UBR2: variants seen among roughly 807,000 people sequenced by gnomAD.
UBR2 encodes the protein E3 ubiquitin-protein ligase UBR2.
In UBR2, 92 loss-of-function variants were observed where a neutral mutation model predicts 247.9. The observed-to-expected ratio is 0.37, with a 90% CI of 0.31 to 0.44. The LOEUF is 0.44. Among genes scored for constraint, UBR2 ranks in the 20% least tolerant of loss-of-function variants. UBR2 has a pLI of 1.00. For missense variants in UBR2, 1,613 were observed against 2,112.6 expected (o/e 0.76, Z 4.64); for synonymous variants, 672 against 693.5 (o/e 0.97, Z 0.49).
At position 42,659,299 on chromosome 6, in the gene UBR2, G is replaced by T. The variant is rs1466089819; in HGVS notation, c.3243-357G>T. 2.6e-5 allele frequency among the ~76,000 whole-genome samples: 4 copies of T among 151,750 alleles called. No homozygotes were observed. The highest frequency in any genetic ancestry group is 2.6e-4 in the Admixed American group (4 of 15,224). ...TCACAAGGTGAGGAGTTCGAGACCA[G>T]CCTGACCAACATGGTGAAACCCCAT... is the stretch of plus-strand genomic sequence containing the variant. On this transcript the variant is annotated intron_variant, in intron 29 of 46. Transcript: ENST00000372901. This position sits in a 1 kb window ranked among gnomAD's most constrained non-coding sequence, Gnocchi z 4.3.
chr6:42,669,369 A>G (rs571997960), intron 34 of UBR2, among the ~76,000 whole-genome samples: 64 of 152,116 alleles, frequency 4.2e-4, no homozygotes, highest in Non-Finnish European at 8.1e-4. Flanking sequence ...CTGAACATTC[A>G]TGTCCTTCAT....
In UBR2 at chr6:42,678,555, C is replaced by T; in HGVS notation, c.4495C>T (p.Pro1499Ser). Residue 1499 changes from proline to serine, a missense_variant, in exon 41 of 47, where the codon CCA becomes TCA. Pro to Ser is a moderately conservative substitution (Grantham distance 74, BLOSUM62 -1). This residue lies in a region of UBR2 where 1,524 missense variants were observed against 1,967.3 expected (regional missense o/e 0.77). Coordinates refer to ENST00000372901, the MANE Select transcript of UBR2 (RefSeq NM_001363705.2). ...QYTGSALKEI[P>S]SGWHLWRSVR... The stretch of plus-strand genomic sequence containing the variant: ...CTTTTTTAGTGCCTTGAAAGAAATA[C>T]CATCCGGCTGGCATCTGTGGAGGAG... The T allele has an allele frequency of 6.2e-7, 1 of 1,609,596 alleles. No individual in the cohort carries two copies. The highest frequency in any genetic ancestry group is 8.5e-7 in the Non-Finnish European group (1 of 1,178,762).
At chr6:42,645,006 T>C (rs928413528) in intron 20 of UBR2, among the ~76,000 whole-genome samples, 3 of 152,104 alleles carry the variant, frequency 2.0e-5, no homozygotes, top group African/African-American at 7.2e-5. Context: ...TTTCAGTCCT[T>C]TACTACTGTT....
At position 42,643,086 on chromosome 6, in the gene UBR2, G is replaced by A. The variant is rs758802332; in HGVS notation, c.2097+605G>A. 8.6e-5 allele frequency among the ~76,000 whole-genome samples: 13 copies of A among 151,948 alleles called. No individual in the cohort carries two copies. In the South Asian group the frequency reaches 1.7e-3, roughly 19 times the overall value. On this transcript the variant is annotated intron_variant, in intron 18 of 46. Transcript: ENST00000372901. ...CCCTGACACACTAAAACTTGGCTAC[G>A]TGTCCCTTTTGTGAGGACCCTAGCA...
Position 42,692,414 on chromosome 6 carries a change from T to C in UBR2, c.*1241T>C, listed in dbSNP as rs1431501262. ...CATTGTTCTTACTGAGGTGCCTTCC[T>C]AGAACAAGAGCCACTTACAAAATAG... On this transcript the variant is annotated 3_prime_UTR_variant, in exon 47 of 47. Coordinates refer to ENST00000372901, the MANE Select transcript of UBR2 (RefSeq NM_001363705.2). 6.6e-6 allele frequency: 1 copy of C among 152,210 alleles called. No individual in the cohort carries two copies. The highest frequency in any genetic ancestry group is 1.5e-5 in the Non-Finnish European group (1 of 68,038). The allele number at this position is 152,210 out of a possible 1,614,324, so 9.4% of individuals were successfully genotyped here. A position where few individuals can be genotyped will look rare whatever the true frequency, so the allele number is the denominator to read the frequency against.
intron 14 of UBR2, 147 bp downstream of exon 14, chr6:42,635,693 C>A: frequency 1.0e-6 from 1 of 976,536 alleles, no homozygotes; most frequent in Non-Finnish European, 1.4e-6. Context: ...CACCTATAAA[C>A]TCAGTAAAAT....
chr6:42,644,877 T>C (rs1007963152), intron 20 of UBR2, among the ~76,000 whole-genome samples: 3 of 152,186 alleles, frequency 2.0e-5, no homozygotes, highest in Non-Finnish European at 4.4e-5. Flanking sequence ...ATATCTTAAC[T>C]ATGTTTCTCT....
intron 23 of UBR2, among the ~76,000 whole-genome samples, chr6:42,651,105 C>T (rs1797084323): frequency 6.6e-6 from 1 of 151,842 alleles, no homozygotes. Flanking sequence ...ACTTCTCGTC[C>T]CAGCTACTCA....
At chr6:42,658,449 A>G in intron 28 of UBR2, 129 bp downstream of exon 28, 1 of 1,116,188 alleles carries the variant, frequency 9.0e-7, no homozygotes, top group Non-Finnish European at 1.3e-6. Context: ...GCCACTATTT[A>G]TCTCTATTTG....
At chr6:42,633,712 G>GTTT (rs1795905687) in intron 13 of UBR2, among the ~76,000 whole-genome samples, 1 of 140,864 alleles carries the variant, frequency 7.1e-6, no homozygotes, top group East Asian at 2.4e-4. Context: ...TTGTTTTTTT[G>GTTT]TTTGTTTTTT....
At chr6:42,602,736 ATG>A (rs1326015164) in intron 4 of UBR2, among the ~76,000 whole-genome samples, 2 of 144,816 alleles carry the variant, frequency 1.4e-5, no homozygotes, top group Admixed American at 1.4e-4. Context: ...ATTTTGCACT[ATG>A]TTTTATTTTT....
intron 6 of UBR2, among the ~76,000 whole-genome samples, chr6:42,606,235 T>TC (rs1254525462): frequency 6.7e-6 from 1 of 149,630 alleles, no homozygotes; most frequent in Non-Finnish European, 1.5e-5. Context: ...AAAGCGAGAC[T>TC]CCATCTCAAA....
intron 11 of UBR2, among the ~76,000 whole-genome samples, chr6:42,628,866 T>G (rs981283011): frequency 6.6e-6 from 1 of 152,118 alleles, no homozygotes; most frequent in South Asian, 2.1e-4. Context: ...CATAGATGAT[T>G]ATTATTATTC....
At chr6:42,606,388 G>A (rs1025584626) in intron 6 of UBR2, among the ~76,000 whole-genome samples, 23 of 152,076 alleles carry the variant, frequency 1.5e-4, no homozygotes, top group African/African-American at 5.3e-4. Flanking sequence ...TTTGTTCAAG[G>A]AAATATTTAT....
chr6:42,647,320 G>A (rs1796825045), intron 21 of UBR2, among the ~76,000 whole-genome samples: 1 of 149,990 alleles, frequency 6.7e-6, no homozygotes, highest in Non-Finnish European at 1.5e-5. Flanking sequence ...AGTGGCTCAC[G>A]CCTGTAATCC....
intron 42 of UBR2, among the ~76,000 whole-genome samples, chr6:42,680,434 C>T (rs917495264): frequency 1.3e-5 from 2 of 152,084 alleles, no homozygotes; most frequent in Admixed American, 1.3e-4. Flanking sequence ...GACTCTCTTC[C>T]ATAGGTTTTT....
At chr6:42,632,934 T>C in intron 13 of UBR2, 30 bp downstream of exon 13, 2 of 1,364,182 alleles carry the variant, frequency 1.5e-6, no homozygotes, top group Non-Finnish European at 2.0e-6. Context: ...CTTTTCTTTT[T>C]CCTTTTTTTT....
intron 44 of UBR2, 136 bp from the exon 45 acceptor site, chr6:42,688,080 C>A: frequency 2.2e-6 from 2 of 925,480 alleles, no homozygotes; most frequent in South Asian, 1.6e-5. Flanking sequence ...TAGGAATAAA[C>A]TTGCATAGAC....
chr6:42,678,972 C>T (rs900946895), intron 41 of UBR2, among the ~76,000 whole-genome samples: 6 of 152,214 alleles, frequency 3.9e-5, no homozygotes, highest in African/African-American at 1.4e-4. Flanking sequence ...TATTCATAAA[C>T]AAGGTTCCTC....
Sources: gnomAD v4.1 joint callset for allele counts (sites outside exome capture counted in the v4.1 genomes callset) on GRCh38, gnomAD v4.1.1 for gene constraint, gnomAD v4.1.1 regional missense constraint, Gnocchi (gnomAD v3.1) non-coding constraint, MANE v1.5 for transcripts, NCBI Gene and HGNC (gene_info 2026-07-23, HGNC 2026-07-21) for gene names.